The following ALB variants were observed in gnomAD, a reference collection of about 807,000 sequenced individuals.
ALB encodes albumin.
In ALB, 37 loss-of-function variants were observed where a neutral mutation model predicts 74.5. That is an observed-to-expected ratio of 0.50 (90% CI 0.38 to 0.65). The LOEUF is 0.65. Ranked by LOEUF, ALB falls within the 30% of genes least tolerant of loss-of-function variation. ALB has a pLI of 0.00. For missense variants in ALB, 685 were observed against 718.7 expected, an observed-to-expected ratio of 0.95 and a Z score of 0.54; for synonymous variants, 249 against 251.6, an observed-to-expected ratio of 0.99 and a Z score of 0.10.
chr4:73,409,622 C>G, intron 5 of ALB, 135 bp downstream of exon 5: 1 of 1,076,964 alleles, frequency 9.3e-7, no homozygotes, highest in South Asian at 1.4e-5. Flanking sequence ...TTTTATCTGT[C>G]TTGAAAATCT....
chr4:73,421,150 T>G lies in ALB; in HGVS notation c.*82T>G, dbSNP rs1288245118. 2.0e-5 allele frequency: 14 copies of G among 693,924 alleles called. No homozygotes were observed. Among genetic ancestry groups the G allele is most frequent in the Non-Finnish European group, 3.4e-5 (13 of 382,078 alleles). 43.0% of individuals were successfully genotyped at this position (693,924 alleles called of 1,614,324 possible). A position where few individuals can be genotyped will look rare whatever the true frequency, so the allele number is the denominator to read the frequency against. ...TCAAAAGCTTATTCATCTGTTTTTC[T>G]TTTTCGTTGGTGTAAAGCCAACACC... On this transcript the variant is annotated 3_prime_UTR_variant, in exon 15 of 15. Transcript: ENST00000295897.
chr4:73,407,343 A>G lies in ALB; in HGVS notation c.270+582A>G, dbSNP rs184147136. 5.9e-5 allele frequency among the ~76,000 whole-genome samples: 9 copies of G among 152,254 alleles called. No individual in the cohort carries two copies. The East Asian group carries it at 1.7e-3, about 29-fold the overall frequency. ...TTGACTACTTTAGCTACCTTATATAAGTGGTATTATGTACTGTTTATCTTT... is the reference window on the plus strand; with the variant it reads ...TTGACTACTTTAGCTACCTTATATAGGTGGTATTATGTACTGTTTATCTTT... On this transcript the variant is annotated intron_variant, in intron 3 of 14. Transcript: ENST00000295897.
Position 73,416,344 on chromosome 4 carries a change from T to G in ALB, c.1280T>G (p.Phe427Cys). Residue 427 changes from phenylalanine to cysteine, a missense_variant, in exon 10 of 15, where the codon TTC (phenylalanine) becomes TGC (cysteine). Phe to Cys is a radical substitution (Grantham distance 205). Transcript: ENST00000295897. ...ELFEQLGEYK[F>C]QNALLVRYTK... ...TTTGAGCAGCTTGGAGAGTACAAAT[T>G]CCAGAATGCGTAAGTAATTTTTATT... 1 of 1,612,682 alleles carries G rather than the reference T, an allele frequency of 6.2e-7. No individual in the cohort carries two copies. The highest frequency in any genetic ancestry group is 8.5e-7 in the Non-Finnish European group (1 of 1,179,136).
chr4:73,407,445 T>C (rs902635734), intron 3 of ALB, among the ~76,000 whole-genome samples: 2 of 152,260 alleles, frequency 1.3e-5, no homozygotes, highest in African/African-American at 4.8e-5. Flanking sequence ...AATTTCCTTC[T>C]TTTCAAGGCT....
chr4:73,410,252 G>A, intron 5 of ALB, 60 bp from the exon 6 acceptor site: 1 of 1,306,262 alleles, frequency 7.7e-7, no homozygotes, highest in Non-Finnish European at 1.1e-6. Flanking sequence ...CTGAGCTTAT[G>A]GAGGGGTGTT....
At position 73,413,249 on chromosome 4, in the gene ALB, G is replaced by A. The variant is rs188083607; in HGVS notation, c.844-171G>A. On this transcript the variant is annotated intron_variant, in intron 7 of 14. Transcript: ENST00000295897. The stretch of plus-strand genomic sequence containing the variant: ...ATTTTAATTAAGTGGGAATGTTTTT[G>A]TAGTCCTATCTACATCTCCAGGTTT... 6.1e-5 allele frequency: 40 copies of A among 655,186 alleles called. No individual in the cohort carries two copies. The Admixed American group carries it at 9.4e-4, about 15-fold the overall frequency. The allele number at this position is 655,186 out of a possible 1,614,324, so 40.6% of individuals were successfully genotyped here.
In ALB at chr4:73,418,075, G is replaced by C; in HGVS notation, c.1429-13G>C. 1 of 1,612,930 alleles carries C rather than the reference G, an allele frequency of 6.2e-7. No homozygotes were observed. Among genetic ancestry groups the C allele is most frequent in the Non-Finnish European group, 8.5e-7 (1 of 1,179,104 alleles). On this transcript the variant is annotated splice_polypyrimidine_tract_variant and intron_variant, in intron 11 of 14. Transcript: ENST00000295897. ...ACCTCTTTTGAATTTCTGCTCTCCTGCCTGTTCTTTAGCTATCCGTGGTCC... is the reference window on the plus strand; with the variant it reads ...ACCTCTTTTGAATTTCTGCTCTCCTCCCTGTTCTTTAGCTATCCGTGGTCC...
Position 73,418,911 on chromosome 4 carries a change from A to G in ALB, c.1653-596A>G, listed in dbSNP as rs935464122. Among the ~76,000 whole-genome samples, 10 of 152,206 alleles carry G rather than the reference A, an allele frequency of 6.6e-5. 1 individual carries two copies. The highest frequency in any genetic ancestry group is 5.2e-4 in the Admixed American group (8 of 15,284). On this transcript the variant is annotated intron_variant, in intron 12 of 14. Transcript: ENST00000295897. ...TTGCAAAACCTGTCATGCCCACACA[A>G]ATCTCTCCCTGGCATTGTTGTCTTT...
At position 73,408,648 on chromosome 4, in the gene ALB, G is replaced by T. The variant is rs757451133; in HGVS notation, c.325G>T (p.Gly109Cys). ...AGTTGCAACTCTTCGTGAAACCTAT[G>T]GTGAAATGGCTGACTGCTGTGCAAA... is the stretch of plus-strand genomic sequence containing the variant. ...CTVATLRETY[G>C]EMADCCAKQE... is the part of the protein sequence containing the mutation. Residue 109 changes from glycine to cysteine, a missense_variant, in exon 4 of 15, where the codon GGT becomes TGT. By Grantham distance (159) the Gly-to-Cys change is radical (BLOSUM62 -3). Coordinates refer to ENST00000295897, the MANE Select transcript of ALB (RefSeq NM_000477.7). 12 of 1,613,894 alleles carry T rather than the reference G, an allele frequency of 7.4e-6. No homozygotes were observed. In the Admixed American group the frequency reaches 2.0e-4, roughly 27 times the overall value.
At chr4:73,418,015 A>T in intron 11 of ALB, 73 bp from the exon 12 acceptor site, 2 of 1,446,794 alleles carry the variant, frequency 1.4e-6, no homozygotes, top group Non-Finnish European at 1.9e-6. Context: ...TGCCTGGCTA[A>T]TTTTTTGTAT....
intron 5 of ALB, 127 bp from the exon 6 acceptor site, chr4:73,410,185 T>G: frequency 1.4e-6 from 1 of 727,378 alleles, no homozygotes. Context: ...CTAAAGGGAG[T>G]ACTTGGGAAT....
At chr4:73,419,151 G>A (rs1719086243) in intron 12 of ALB, 1 of 181,410 alleles carries the variant, frequency 5.5e-6, no homozygotes, top group African/African-American at 2.4e-5. Flanking sequence ...AACTCAATAT[G>A]ACATAATATG....
In ALB at chr4:73,408,647, T is replaced by C. The variant is rs1718793190; in HGVS notation, c.324T>C (p.Tyr108=). The C allele has an allele frequency of 5.6e-6, 9 of 1,614,050 alleles. No homozygotes were observed. The highest frequency in any genetic ancestry group is 7.6e-6 in the Non-Finnish European group (9 of 1,179,930). Reference sequence around the variant, plus strand: ...CAGTTGCAACTCTTCGTGAAACCTATGGTGAAATGGCTGACTGCTGTGCAA... The same window carrying C: ...CAGTTGCAACTCTTCGTGAAACCTACGGTGAAATGGCTGACTGCTGTGCAA... ...LCTVATLRET[Y]GEMADCCAKQ... is the part of the protein sequence containing the mutation. The change falls in exon 4 of 15, where the codon TAT becomes TAC. Residue 108 remains tyrosine, a synonymous_variant. Transcript: ENST00000295897.
intron 3 of ALB, among the ~76,000 whole-genome samples, 183 bp from the exon 4 acceptor site, chr4:73,408,411 T>G (rs1485985776): frequency 6.6e-6 from 1 of 152,196 alleles, no homozygotes; most frequent in Non-Finnish European, 1.5e-5. Context: ...AGTTAATTCT[T>G]ATGAAAATTA....
intron 4 of ALB, 179 bp from the exon 5 acceptor site, chr4:73,409,176 A>T: frequency 1.5e-6 from 1 of 669,984 alleles, no homozygotes; most frequent in South Asian, 2.0e-5. Context: ...CACACACTTA[A>T]CCCTTTTTTC....
chr4:73,413,555 C>T lies in ALB; in HGVS notation c.979C>T (p.Pro327Ser). 6.2e-7 allele frequency: 1 copy of T among 1,614,150 alleles called. No individual in the cohort carries two copies. The highest frequency in any genetic ancestry group is 8.5e-7 in the Non-Finnish European group (1 of 1,180,010). The change falls in exon 8 of 15, where the codon CCT becomes TCT. Residue 327 changes from proline (P) to serine (S), a missense_variant. Physicochemically the swap from Pro to Ser is moderately conservative, Grantham distance 74 (BLOSUM62 -1). Transcript: ENST00000295897. Reference protein sequence around the residue: ...VENDEMPADLPSLAADFVESK... With the variant: ...VENDEMPADLSSLAADFVESK... ...AAATGATGAGATGCCTGCTGACTTG[C>T]CTTCATTAGCTGCTGATTTTGTTGA...
At chr4:73,406,536 A>AC (rs2149327007) in intron 2 of ALB, 93 bp from the exon 3 acceptor site, 3 of 1,200,056 alleles carry the variant, frequency 2.5e-6, no homozygotes, top group South Asian at 2.5e-5. Flanking sequence ...AAAAGATAGA[A>AC]CCTATACCCA....
chr4:73,410,696 A>C (rs1439851276), intron 6 of ALB, among the ~76,000 whole-genome samples: 4 of 151,828 alleles, frequency 2.6e-5, no homozygotes, highest in Non-Finnish European at 4.4e-5. Flanking sequence ...AAAATCTTGG[A>C]CTCTTATTCT....
chr4:73,412,214 T>G, intron 7 of ALB, 89 bp downstream of exon 7: 1 of 1,490,372 alleles, frequency 6.7e-7, no homozygotes, highest in Non-Finnish European at 9.3e-7. Flanking sequence ...TAGCTGACAG[T>G]GGGTTGAGAT....
Sources: allele counts gnomAD v4.1 joint callset (sites outside exome capture counted in the v4.1 genomes callset), GRCh38; gene constraint gnomAD v4.1.1; transcripts MANE v1.5; gene names NCBI Gene and HGNC (gene_info 2026-07-23, HGNC 2026-07-21).